Variants in SZT2 observed in about 807,000 individuals in gnomAD.
SZT2 encodes the protein SZT2 subunit of KICSTOR complex.
In SZT2, 216 loss-of-function variants were observed where a neutral mutation model predicts 404.2. That is an observed-to-expected ratio of 0.53 (90% CI 0.48 to 0.60). The LOEUF is 0.60. Ranked by LOEUF, SZT2 falls within the 20% of genes least tolerant of loss-of-function variation. The pLI, the probability that SZT2 is intolerant of heterozygous loss-of-function variation, is 0.00. For synonymous variants in SZT2, 1,693 were observed against 1,749.9 expected, an observed-to-expected ratio of 0.97 and a Z score of 0.81; for missense variants, 3,857 against 4,459.2, an observed-to-expected ratio of 0.86 and a Z score of 3.85.
At position 43,415,993 on chromosome 1, in the gene SZT2, CTGGGCCGGAAGG is replaced by C; in HGVS notation, c.666_677del (p.Arg224_Gly227del). On this transcript the variant is annotated inframe_deletion, in exon 6 of 72. Coordinates refer to ENST00000634258, the MANE Select transcript of SZT2 (RefSeq NM_001365999.1). ...CCAGTCCCCAGACTCAGGGGACCTA[CTGGGCCGGAAGG>C]TAGGCGTCTCCATGGTGACAGCTGA... The C allele has an allele frequency of 6.3e-7, 1 of 1,598,116 alleles. No homozygotes were observed. Among genetic ancestry groups the C allele is most frequent in the Non-Finnish European group, 8.5e-7 (1 of 1,179,680 alleles).
Position 43,420,745 on chromosome 1 carries a change from T to A in SZT2, c.1262-4T>A, listed in dbSNP as rs772535589. The stretch of plus-strand genomic sequence containing the variant: ...CCTAACTGGCCCTTCCGCTTCTCCC[T>A]AAGGAGGGTCCCAATTGGAGGTAAA... On this transcript the variant is annotated splice_region_variant and splice_polypyrimidine_tract_variant and intron_variant, in intron 9 of 71. Coordinates refer to ENST00000634258, the MANE Select transcript of SZT2 (RefSeq NM_001365999.1). The surrounding 1 kb of genome is among the most constrained non-coding windows in gnomAD (Gnocchi z 5.1). 2 of 1,598,258 alleles carry A rather than the reference T, an allele frequency of 1.3e-6. No homozygotes were observed. Among genetic ancestry groups the A allele is most frequent in the Admixed American group, 3.3e-5 (2 of 60,012 alleles).
At chr1:43,408,331 A>T (rs1650584169) in intron 4 of SZT2, among the ~76,000 whole-genome samples, 1 of 152,302 alleles carries the variant, frequency 6.6e-6, no homozygotes, top group African/African-American at 2.4e-5. Flanking sequence ...AGGCATGATC[A>T]TAGCTCAATG....
intron 1 of SZT2, among the ~76,000 whole-genome samples, chr1:43,395,666 A>G (rs1035006933): frequency 3.9e-5 from 6 of 152,230 alleles, no homozygotes; most frequent in Non-Finnish European, 8.8e-5. Flanking sequence ...TAATTATACA[A>G]TAGTCACAGT....
At chr1:43,418,945 C>T (rs1231068421) in intron 7 of SZT2, among the ~76,000 whole-genome samples, 1 of 152,176 alleles carries the variant, frequency 6.6e-6, no homozygotes, top group East Asian at 1.9e-4. Context: ...CCACATGAAG[C>T]CAAGAGCCAG....
In SZT2 at chr1:43,406,007, T is replaced by C. The variant is rs919177876; in HGVS notation, c.498+1457T>C. 4.6e-5 allele frequency: 7 copies of C among 153,488 alleles called. No homozygotes were observed. In the Admixed American group the frequency reaches 4.6e-4, roughly 10 times the overall value. The allele number at this position is 153,488 out of a possible 1,614,324, so 9.5% of individuals were successfully genotyped here. A position where few individuals can be genotyped will look rare whatever the true frequency, so the allele number is the denominator to read the frequency against. ...GTGATAAGGGCACCGATAAGATGAC[T>C]CAGGTGCTATGGGAGCACCAAGAGG... is the stretch of plus-strand genomic sequence containing the variant. On this transcript the variant is annotated intron_variant, in intron 4 of 71. Transcript: ENST00000634258.
Position 43,448,763 on chromosome 1 carries a change from C to G in SZT2, c.10086+35C>G, listed in dbSNP as rs1368897611. On this transcript the variant is annotated intron_variant, in intron 70 of 71. Transcript: ENST00000634258. The surrounding 1 kb of genome is among the most constrained non-coding windows in gnomAD (Gnocchi z 4.2). Reference sequence around the variant, plus strand: ...CTTGAGCTTCCTCTGAAAAGGGAAACACAGCAGAAATCCTCACCAAACAGA... The same window carrying G: ...CTTGAGCTTCCTCTGAAAAGGGAAAGACAGCAGAAATCCTCACCAAACAGA... 3.2e-6 allele frequency: 5 copies of G among 1,583,442 alleles called. No homozygotes were observed. The highest frequency in any genetic ancestry group is 4.3e-6 in the Non-Finnish European group (5 of 1,152,542).
chr1:43,437,803 C>G lies in SZT2; in HGVS notation c.6409C>G (p.Pro2137Ala). Residue 2137 changes from proline to alanine, a missense_variant, in exon 46 of 72, where the codon CCC (proline) becomes GCC (alanine). Physicochemically the swap from Pro to Ala is conservative, Grantham distance 27. Coordinates refer to ENST00000634258, the MANE Select transcript of SZT2 (RefSeq NM_001365999.1). This position sits in a 1 kb window ranked among gnomAD's most constrained non-coding sequence, Gnocchi z 5.3. ...GTTTTCCCTGTAGGGTCCTCGTTCT[C>G]CCTTAGACATGGTCTCTAGCCGCAG... ...YSEEASGPRSPLDMVSSRSSD... is the reference protein window; with the variant it reads ...YSEEASGPRSALDMVSSRSSD... The G allele has an allele frequency of 6.2e-7, 1 of 1,614,182 alleles. No homozygotes were observed.
In SZT2 at chr1:43,403,319, C is replaced by G. The variant is rs773931745; in HGVS notation, c.153+17C>G. ...GAGATGCTGGTGAGGCTTAGACACACGAAAGGTGTGAGGGGCCAGCCCAGA... is the reference window on the plus strand; with the variant it reads ...GAGATGCTGGTGAGGCTTAGACACAGGAAAGGTGTGAGGGGCCAGCCCAGA... On this transcript the variant is annotated intron_variant, in intron 2 of 71. Coordinates refer to ENST00000634258, the MANE Select transcript of SZT2 (RefSeq NM_001365999.1). The G allele has an allele frequency of 9.9e-6, 16 of 1,609,196 alleles. No homozygotes were observed. The highest frequency in any genetic ancestry group is 3.4e-5 in the Admixed American group (2 of 59,198).
In SZT2 at chr1:43,429,691, C is replaced by T. The variant is rs1374603224; in HGVS notation, c.4167-12C>T. ...TTCTTAACACTTCAACATCCTTACC[C>T]CAACCATTCAGCATAGAGACCGAGG... On this transcript the variant is annotated splice_polypyrimidine_tract_variant and intron_variant, in intron 28 of 71. Transcript: ENST00000634258. 1.2e-6 allele frequency: 2 copies of T among 1,614,184 alleles called. No individual in the cohort carries two copies. The highest frequency in any genetic ancestry group is 4.5e-5 in the East Asian group (2 of 44,878).
intron 1 of SZT2, among the ~76,000 whole-genome samples, chr1:43,397,595 T>G (rs1338737025): frequency 6.6e-6 from 1 of 151,084 alleles, no homozygotes; most frequent in African/African-American, 2.4e-5. Context: ...TGGTGCAATC[T>G]TGGCTCACTG....
Position 43,443,594 on chromosome 1 carries a change from T to C in SZT2, c.8626-3T>C, listed in dbSNP as rs2255632. The C allele has an allele frequency of 0.38, 620,709 of 1,613,750 alleles. 126,714 individuals are homozygous for C. Among genetic ancestry groups the C allele is most frequent in the Middle Eastern group, 0.42 (2,574 of 6,062 alleles). On this transcript the variant is annotated splice_region_variant and splice_polypyrimidine_tract_variant and intron_variant, in intron 61 of 71. Coordinates refer to ENST00000634258, the MANE Select transcript of SZT2 (RefSeq NM_001365999.1). ...GAGTCTTCCTTGATCTTTACTCTCA[T>C]AGCGGCGCCATCGCCCTGAGTCAGG...
intron 4 of SZT2, among the ~76,000 whole-genome samples, chr1:43,411,769 CTTTTTTTTTTTTT>C (rs386366817): frequency 2.7e-5 from 2 of 74,056 alleles, no homozygotes; most frequent in African/African-American, 6.3e-5. Flanking sequence ...CATCCACTAT[CTTTTTTTTTTTTT>C]TTTTTTTTTT....
In SZT2 at chr1:43,453,083, A is replaced by C. The variant is rs1399358975; in HGVS notation, c.*2603A>C. On this transcript the variant is annotated 3_prime_UTR_variant, in exon 72 of 72. Transcript: ENST00000634258. ...AGGGTTAGGTGCCTACCCTGCTCCC[A>C]CAGCTTCCTGGAATAGGCCTGTCCT... The C allele has an allele frequency of 1.2e-6, 1 of 851,132 alleles. No homozygotes were observed. The highest frequency in any genetic ancestry group is 2.0e-5 in the Admixed American group (1 of 50,252). 52.7% of individuals were successfully genotyped at this position (851,132 alleles called of 1,614,324 possible).
In SZT2 at chr1:43,447,174, T is replaced by C. The variant is rs1312478453; in HGVS notation, c.9286+6T>C. On this transcript the variant is annotated splice_donor_region_variant and intron_variant, in intron 66 of 71. Transcript: ENST00000634258. Reference sequence around the variant, plus strand: ...CCGCAATCACATTTACCAAGGTCAGTGCCCAAGGGCAAGCCAGTGAACCCA... The same window carrying C: ...CCGCAATCACATTTACCAAGGTCAGCGCCCAAGGGCAAGCCAGTGAACCCA... The C allele has an allele frequency of 6.2e-7, 1 of 1,607,732 alleles. No homozygotes were observed. Among genetic ancestry groups the C allele is most frequent in the Non-Finnish European group, 8.5e-7 (1 of 1,178,276 alleles).
At position 43,453,276 on chromosome 1, in the gene SZT2, T is replaced by G. The variant is rs192063492; in HGVS notation, c.*2796T>G. 3.0e-5 allele frequency: 22 copies of G among 726,358 alleles called. No homozygotes were observed. In the East Asian group the frequency reaches 3.8e-4, roughly 13 times the overall value. 45.0% of individuals were successfully genotyped at this position (726,358 alleles called of 1,614,324 possible). A position where few individuals can be genotyped will look rare whatever the true frequency, so the allele number is the denominator to read the frequency against. On this transcript the variant is annotated 3_prime_UTR_variant, in exon 72 of 72. Coordinates refer to ENST00000634258, the MANE Select transcript of SZT2 (RefSeq NM_001365999.1). ...AGGACCAGGACCGCAGAGGCAGAGA[T>G]AAACCAGTGGGCTCAGACTTCTGAG... is the stretch of plus-strand genomic sequence containing the variant.
chr1:43,427,803 C>T (rs951763920), intron 26 of SZT2, 69 bp downstream of exon 26: 36 of 1,545,896 alleles, frequency 2.3e-5, no homozygotes, highest in Non-Finnish European at 3.1e-5. Context: ...TAAGTACACA[C>T]TAATAGGCGT....
At chr1:43,403,515 G>T in intron 2 of SZT2, 86 bp from the exon 3 acceptor site, 2 of 1,465,010 alleles carry the variant, frequency 1.4e-6, no homozygotes, top group South Asian at 2.5e-5. Context: ...AGCCAATGAT[G>T]TGTCATTTGG....
chr1:43,426,725 G>A lies in SZT2; in HGVS notation c.3225G>A (p.Gly1075=), dbSNP rs1653191819. ...RRTCHVPGAE[G]PLLGVHGIPK... is the part of the protein sequence containing the mutation. ...CTACCCCCATTGTAGGTGCCGAGGG[G>A]CCACTGCTGGGGGTTCATGGGATCC... Residue 1075 remains glycine, a synonymous_variant, in exon 23 of 72, where the codon GGG becomes GGA. Coordinates refer to ENST00000634258, the MANE Select transcript of SZT2 (RefSeq NM_001365999.1). This position sits in a 1 kb window ranked among gnomAD's most constrained non-coding sequence, Gnocchi z 4.9. 1 of 1,611,618 alleles carries A rather than the reference G, an allele frequency of 6.2e-7. No individual in the cohort carries two copies. Among genetic ancestry groups the A allele is most frequent in the East Asian group, 2.2e-5 (1 of 44,812 alleles).
chr1:43,449,170 C>T (rs777737895), intron 70 of SZT2: 30 of 196,952 alleles, frequency 1.5e-4, no homozygotes, highest in Non-Finnish European at 2.5e-4. Flanking sequence ...TGCAGGTTGA[C>T]AGTCTCCCCA....
Sources: allele counts gnomAD v4.1 joint callset (sites outside exome capture counted in the v4.1 genomes callset), GRCh38; gene constraint gnomAD v4.1.1; non-coding constraint Gnocchi (gnomAD v3.1); transcripts MANE v1.5; gene names NCBI Gene and HGNC (gene_info 2026-07-23, HGNC 2026-07-21).